ME1: variants seen among roughly 807,000 people sequenced by gnomAD.
The protein encoded by ME1 is malic enzyme 1.
A neutral mutation model predicts 66.4 loss-of-function variants in ME1; 74 were observed. The ratio of observed to expected loss-of-function variants is 1.11; its 90% CI spans 0.92 to 1.35. The LOEUF is 1.35. ME1 is among the 40% of genes most tolerant of loss of function. The probability of loss-of-function intolerance (pLI) is 0.00; values close to 1 mark genes in which losing one functional copy is unlikely to be tolerated. For missense variants in ME1, 750 were observed against 694.1 expected (o/e 1.08, Z -0.90); for synonymous variants, 251 against 235.6 (o/e 1.07, Z -0.60).
chr6:83,230,777 C>G (rs988428735), intron 9 of ME1, among the ~76,000 whole-genome samples: 22 of 151,600 alleles, frequency 1.5e-4, no homozygotes, highest in Non-Finnish European at 2.5e-4. Context: ...TAAAAATATA[C>G]AAAAAATTAG....
At chr6:83,223,983 A>G in intron 11 of ME1, 50 bp from the exon 12 acceptor site, 1 of 1,535,940 alleles carries the variant, frequency 6.5e-7, no homozygotes, top group Non-Finnish European at 8.9e-7. Flanking sequence ...AGAATATTTT[A>G]AAACAAATGT....
At chr6:83,286,254 T>C (rs891683909) in intron 6 of ME1, among the ~76,000 whole-genome samples, 15 of 152,180 alleles carry the variant, frequency 9.9e-5, no homozygotes, top group African/African-American at 3.4e-4. Flanking sequence ...AAGTATCTCA[T>C]AGTTGTTTTG....
chr6:83,230,713 C>G (rs1025882938), intron 9 of ME1, among the ~76,000 whole-genome samples: 4 of 152,028 alleles, frequency 2.6e-5, no homozygotes, highest in African/African-American at 9.7e-5. Flanking sequence ...GGGCGGATCA[C>G]GAGGTCAGGA....
At chr6:83,239,752 C>T in intron 7 of ME1, 116 bp from the exon 8 acceptor site, 1 of 686,604 alleles carries the variant, frequency 1.5e-6, no homozygotes, top group Non-Finnish European at 2.5e-6. Context: ...AGAAGAGAAA[C>T]CTGTGGTTGT....
chr6:83,340,062 A>G (rs911446212), intron 5 of ME1, among the ~76,000 whole-genome samples: 2 of 152,120 alleles, frequency 1.3e-5, no homozygotes, highest in East Asian at 1.9e-4. Context: ...GAATGAGTTA[A>G]TTTTTAACTG....
intron 3 of ME1, among the ~76,000 whole-genome samples, chr6:83,383,325 T>C (rs1050339694): frequency 1.3e-5 from 2 of 151,940 alleles, no homozygotes; most frequent in African/African-American, 2.4e-5. Context: ...AATCAACAAA[T>C]AGCAAATGTT....
At chr6:83,305,933 C>T (rs1206754572) in intron 6 of ME1, among the ~76,000 whole-genome samples, 1 of 152,052 alleles carries the variant, frequency 6.6e-6, no homozygotes. Context: ...CCAAACCAGC[C>T]ACATAGATGG....
At chr6:83,370,183 T>C (rs889167061) in intron 3 of ME1, among the ~76,000 whole-genome samples, 1 of 152,160 alleles carries the variant, frequency 6.6e-6, no homozygotes, top group Non-Finnish European at 1.5e-5. Context: ...TCTGTGACAT[T>C]AGAATTAAAG....
chr6:83,394,140 C>T (rs1216173028), intron 3 of ME1, among the ~76,000 whole-genome samples: 1 of 151,676 alleles, frequency 6.6e-6, no homozygotes, highest in Admixed American at 6.6e-5. Context: ...ATACAATTAA[C>T]AGTAAATTCT....
At chr6:83,329,165 T>C (rs886416571) in intron 5 of ME1, among the ~76,000 whole-genome samples, 3 of 152,152 alleles carry the variant, frequency 2.0e-5, no homozygotes, top group African/African-American at 7.2e-5. Context: ...GCAATATTTG[T>C]TTATCAGAAA....
intron 6 of ME1, among the ~76,000 whole-genome samples, chr6:83,298,296 C>T (rs560680389): frequency 7.9e-5 from 12 of 152,242 alleles, no homozygotes; most frequent in Admixed American, 3.9e-4. Context: ...TTTTGATTTG[C>T]GTTTCTCTAA....
intron 6 of ME1, among the ~76,000 whole-genome samples, chr6:83,312,710 C>T (rs1161454664): frequency 6.6e-6 from 1 of 152,078 alleles, no homozygotes; most frequent in Admixed American, 6.5e-5. Flanking sequence ...AACCTCTGTA[C>T]TATGTCCTCT....
chr6:83,283,408 C>T (rs1767342501), intron 6 of ME1, among the ~76,000 whole-genome samples: 1 of 151,280 alleles, frequency 6.6e-6, no homozygotes, highest in Admixed American at 6.6e-5. Context: ...ACATCACACA[C>T]CAGGACCTCT....
intron 6 of ME1, among the ~76,000 whole-genome samples, chr6:83,254,405 G>A (rs974763619): frequency 6.6e-6 from 1 of 152,038 alleles, no homozygotes; most frequent in Non-Finnish European, 1.5e-5. Context: ...ATTCATGAAG[G>A]TTGAGTCCTC....
At chr6:83,250,082 T>C (rs972670282) in intron 7 of ME1, among the ~76,000 whole-genome samples, 2 of 152,184 alleles carry the variant, frequency 1.3e-5, no homozygotes, top group Admixed American at 1.3e-4. Context: ...TTTACAGTAT[T>C]AATTTCAACT....
chr6:83,212,112 ATATT>A lies in ME1; in HGVS notation c.1549-22_1549-19del. The A allele has an allele frequency of 6.5e-7, 1 of 1,548,082 alleles. No homozygotes were observed. Among genetic ancestry groups the A allele is most frequent in the Non-Finnish European group, 8.8e-7 (1 of 1,139,434 alleles). Reference sequence around the variant, plus strand: ...TTCACAATCTAGATATAAGAAAAGAATATTAATTATTTTAATAAATAGAGGTAAT... The same window carrying A: ...TTCACAATCTAGATATAAGAAAAGAAAATTATTTTAATAAATAGAGGTAAT... On this transcript the variant is annotated intron_variant, in intron 13 of 13. Transcript: ENST00000369705.
chr6:83,275,273 G>T (rs1467186023), intron 6 of ME1, among the ~76,000 whole-genome samples: 1 of 151,706 alleles, frequency 6.6e-6, no homozygotes, highest in Non-Finnish European at 1.5e-5. Context: ...GCTGGAGGTT[G>T]CCGTGAGCAG....
chr6:83,276,693 T>TA lies in ME1; in HGVS notation c.705-22956dup, dbSNP rs536447045. 7.0e-3 allele frequency among the ~76,000 whole-genome samples: 1,055 copies of TA among 151,752 alleles called. 10 individuals carry two copies. Among genetic ancestry groups the TA allele is most frequent in the African/African-American group, 0.024 (998 of 41,440 alleles). On this transcript the variant is annotated intron_variant, in intron 6 of 13. Coordinates refer to ENST00000369705, the MANE Select transcript of ME1 (RefSeq NM_002395.6). ...TCTGATGTTTACAATTACAGTATAC[T>TA]AAAAAAAAATTAGTTTTACTATTTT...
At chr6:83,289,026 T>C (rs1379457907) in intron 6 of ME1, among the ~76,000 whole-genome samples, 3 of 152,236 alleles carry the variant, frequency 2.0e-5, no homozygotes, top group Non-Finnish European at 4.4e-5. Context: ...CTGAAGTTGC[T>C]TATCAGCTTA....
Sources: gnomAD v4.1 joint callset for allele counts (sites outside exome capture counted in the v4.1 genomes callset) on GRCh38, gnomAD v4.1.1 for gene constraint, MANE v1.5 for transcripts, NCBI Gene and HGNC (gene_info 2026-07-23, HGNC 2026-07-21) for gene names.